JAKMIP1: variants seen among roughly 807,000 people sequenced by gnomAD.
The protein encoded by JAKMIP1 is janus kinase and microtubule-interacting protein 1.
In JAKMIP1, 33 loss-of-function variants were observed where a neutral mutation model predicts 113.0. That is an observed-to-expected ratio of 0.29 (90% CI 0.22 to 0.39). The LOEUF is 0.39. Among genes scored for constraint, JAKMIP1 ranks in the 10% least tolerant of loss-of-function variants. The pLI is 1.00. For missense variants in JAKMIP1, 813 were observed against 1,080.5 expected, an observed-to-expected ratio of 0.75 and a Z score of 3.47; for synonymous variants, 480 against 459.9, an observed-to-expected ratio of 1.04 and a Z score of -0.56.
intron 1 of JAKMIP1, among the ~76,000 whole-genome samples, chr4:6,118,672 T>A (rs1716203096): frequency 6.6e-6 from 1 of 151,990 alleles, no homozygotes; most frequent in Non-Finnish European, 1.5e-5. Flanking sequence ...AAAGCACAGC[T>A]TCGTGGTGAC....
At position 6,117,722 on chromosome 4, in the gene JAKMIP1, G is replaced by A. The variant is rs374730487; in HGVS notation, c.-147-4725C>T. On this transcript the variant is annotated intron_variant, in intron 1 of 20. Transcript: ENST00000409021. ...AATCTTGACCATAAGAGACAGGTAC[G>A]CCCCGGGGGGCCAGTTCAGAGACCT... 8.8e-3 allele frequency among the ~76,000 whole-genome samples: 1,337 copies of A among 151,970 alleles called. 20 individuals carry two copies. Among genetic ancestry groups the A allele is most frequent in the African/African-American group, 0.03 (1,260 of 41,412 alleles).
chr4:6,113,645 G>C (rs1715292781), intron 1 of JAKMIP1, among the ~76,000 whole-genome samples: 2 of 152,224 alleles, frequency 1.3e-5, no homozygotes, highest in Admixed American at 1.3e-4. Flanking sequence ...GTATGAACCT[G>C]ATCAAGGTCC....
Position 6,187,650 on chromosome 4 carries a change from C to T in JAKMIP1, c.-148+12603G>A, listed in dbSNP as rs200291231. Reference sequence around the variant, plus strand: ...GGGCCTCACCAGACACTGAATCTGCCGGTACCTTGATCTTGGACTTCCCAG... The same window carrying T: ...GGGCCTCACCAGACACTGAATCTGCTGGTACCTTGATCTTGGACTTCCCAG... On this transcript the variant is annotated intron_variant, in intron 1 of 20. Coordinates refer to ENST00000409021, the MANE Select transcript of JAKMIP1 (RefSeq NM_001099433.2). This position sits in a 1 kb window ranked among gnomAD's most constrained non-coding sequence, Gnocchi z 4.2. 1.6e-4 allele frequency among the ~76,000 whole-genome samples: 25 copies of T among 152,346 alleles called. No individual in the cohort carries two copies. Among genetic ancestry groups the T allele is most frequent in the East Asian group, 1.2e-3 (6 of 5,182 alleles).
chr4:6,051,032 T>C lies in JAKMIP1; in HGVS notation c.1807-353A>G, dbSNP rs537373236. Among the ~76,000 whole-genome samples the C allele has an allele frequency of 7.2e-5, 11 of 152,260 alleles. No homozygotes were observed. The highest frequency in any genetic ancestry group is 2.4e-4 in the African/African-American group (10 of 41,548). ...TGAATAGACAGCAAAAGCCACCAACTATGGTTTATTACTCTGTGCCAGGCA... is the reference window on the plus strand; with the variant it reads ...TGAATAGACAGCAAAAGCCACCAACCATGGTTTATTACTCTGTGCCAGGCA... On this transcript the variant is annotated intron_variant, in intron 13 of 20. Coordinates refer to ENST00000409021, the MANE Select transcript of JAKMIP1 (RefSeq NM_001099433.2). The surrounding 1 kb of genome is among the most constrained non-coding windows in gnomAD (Gnocchi z 5.0).
chr4:6,054,494 G>C (rs1716077945), intron 12 of JAKMIP1, among the ~76,000 whole-genome samples: 1 of 152,168 alleles, frequency 6.6e-6, no homozygotes, highest in African/African-American at 2.4e-5. Flanking sequence ...CCAAACACTG[G>C]GAAGCAAGAG....
At chr4:6,128,614 G>T (rs1164762387) in intron 1 of JAKMIP1, among the ~76,000 whole-genome samples, 1 of 152,178 alleles carries the variant, frequency 6.6e-6, no homozygotes, top group African/African-American at 2.4e-5. Flanking sequence ...CAGCCCGGAT[G>T]AGCAAACACG....
chr4:6,136,932 G>A lies in JAKMIP1; in HGVS notation c.-147-23935C>T, dbSNP rs1011801653. 1.3e-5 allele frequency among the ~76,000 whole-genome samples: 2 copies of A among 152,152 alleles called. No homozygotes were observed. The highest frequency in any genetic ancestry group is 6.5e-5 in the Admixed American group (1 of 15,288). ...AAGCGCATGGGATTCCACTGACCAT[G>A]CCATTGTACAGATGAGGAAACTGAG... On this transcript the variant is annotated intron_variant, in intron 1 of 20. Coordinates refer to ENST00000409021, the MANE Select transcript of JAKMIP1 (RefSeq NM_001099433.2). This position sits in a 1 kb window ranked among gnomAD's most constrained non-coding sequence, Gnocchi z 5.9.
chr4:6,196,859 CAA>C (rs68110058), intron 1 of JAKMIP1, among the ~76,000 whole-genome samples: 391 of 136,068 alleles, frequency 2.9e-3, no homozygotes, highest in Non-Finnish European at 3.8e-3. Flanking sequence ...GAAACTCTGT[CAA>C]AAAAAAAAAA....
In JAKMIP1 at chr4:6,167,401, C is replaced by T. The variant is rs1271812337; in HGVS notation, c.-148+32852G>A. Reference sequence around the variant, plus strand: ...ACCTCCTCACTCACCACCCTACCCTCAACTTCTCCTCCTCCACCCTGGGAC... The same window carrying T: ...ACCTCCTCACTCACCACCCTACCCTTAACTTCTCCTCCTCCACCCTGGGAC... On this transcript the variant is annotated intron_variant, in intron 1 of 20. Coordinates refer to ENST00000409021, the MANE Select transcript of JAKMIP1 (RefSeq NM_001099433.2). The surrounding 1 kb of genome is among the most constrained non-coding windows in gnomAD (Gnocchi z 5.3). Among the ~76,000 whole-genome samples, 1 of 152,114 alleles carries T rather than the reference C, an allele frequency of 6.6e-6. No individual in the cohort carries two copies. Among genetic ancestry groups the T allele is most frequent in the African/African-American group, 2.4e-5 (1 of 41,426 alleles).
At position 6,074,854 on chromosome 4, in the gene JAKMIP1, A is replaced by G. The variant is rs533751565; in HGVS notation, c.1302+4085T>C. Reference sequence around the variant, plus strand: ...ATACCATTGGATTACAACTGCCTACAGTATTCAGTACAGTAGCATGCGGCA... The same window carrying G: ...ATACCATTGGATTACAACTGCCTACGGTATTCAGTACAGTAGCATGCGGCA... On this transcript the variant is annotated intron_variant, in intron 8 of 20. Coordinates refer to ENST00000409021, the MANE Select transcript of JAKMIP1 (RefSeq NM_001099433.2). Among the ~76,000 whole-genome samples the G allele has an allele frequency of 4.6e-5, 7 of 152,386 alleles. No homozygotes were observed. In the South Asian group the frequency reaches 1.4e-3, roughly 32 times the overall value.
rs1725671406 is a variant in JAKMIP1, at chr4:6,178,617, T to C, written c.-148+21636A>G. ...ATACCGCCAGGTGAAGAAGGACGTG[T>C]TTGCTTCCCCTAATGCCATGATTGT... is the stretch of plus-strand genomic sequence containing the variant. On this transcript the variant is annotated intron_variant, in intron 1 of 20. Transcript: ENST00000409021. The surrounding 1 kb of genome is among the most constrained non-coding windows in gnomAD (Gnocchi z 5.5). Among the ~76,000 whole-genome samples the C allele has an allele frequency of 6.6e-6, 1 of 152,190 alleles. No individual in the cohort carries two copies. The highest frequency in any genetic ancestry group is 2.1e-4 in the South Asian group (1 of 4,826).
At chr4:6,062,001 A>C (rs981244313) in intron 10 of JAKMIP1, among the ~76,000 whole-genome samples, 1 of 152,222 alleles carries the variant, frequency 6.6e-6, no homozygotes, top group African/African-American at 2.4e-5. Flanking sequence ...GAAGCCTGCA[A>C]GCCAGCCAAG....
chr4:6,193,976 CAATGACACTT>C lies in JAKMIP1; in HGVS notation c.-148+6267_-148+6276del, dbSNP rs1173529486. Reference sequence around the variant, plus strand: ...TACTCCGCCATGAAGAAGAAGGAAGCAATGACACTTGATGACACTTGCTATAACATGGGTG... The same window carrying C: ...TACTCCGCCATGAAGAAGAAGGAAGCGATGACACTTGCTATAACATGGGTG... On this transcript the variant is annotated intron_variant, in intron 1 of 20. Transcript: ENST00000409021. The surrounding 1 kb of genome is among the most constrained non-coding windows in gnomAD (Gnocchi z 6.4). 1.3e-5 allele frequency among the ~76,000 whole-genome samples: 2 copies of C among 152,186 alleles called. No individual in the cohort carries two copies. Among genetic ancestry groups the C allele is most frequent in the Admixed American group, 6.5e-5 (1 of 15,280 alleles).
At chr4:6,122,876 T>G (rs1202777463) in intron 1 of JAKMIP1, among the ~76,000 whole-genome samples, 1 of 152,174 alleles carries the variant, frequency 6.6e-6, no homozygotes, top group Non-Finnish European at 1.5e-5. Context: ...TGCCTCAATT[T>G]CTTGATCAGA....
Position 6,192,090 on chromosome 4 carries a change from G to C in JAKMIP1, c.-148+8163C>G, listed in dbSNP as rs1727337623. On this transcript the variant is annotated intron_variant, in intron 1 of 20. Transcript: ENST00000409021. The surrounding 1 kb of genome is among the most constrained non-coding windows in gnomAD (Gnocchi z 5.0). ...TGGGATTACAGGCGTGTGCCACCAT[G>C]CCCAGCTAATTTTTGTATTTTCAGT... 6.6e-6 allele frequency among the ~76,000 whole-genome samples: 1 copy of C among 152,026 alleles called. No homozygotes were observed. Among genetic ancestry groups the C allele is most frequent in the Admixed American group, 6.5e-5 (1 of 15,276 alleles).
In JAKMIP1 at chr4:6,178,713, G is replaced by A. The variant is rs572480255; in HGVS notation, c.-148+21540C>T. 5.5e-4 allele frequency among the ~76,000 whole-genome samples: 84 copies of A among 152,222 alleles called. No individual in the cohort carries two copies. Among genetic ancestry groups the A allele is most frequent in the Middle Eastern group, 3.4e-3 (1 of 294 alleles). On this transcript the variant is annotated intron_variant, in intron 1 of 20. Coordinates refer to ENST00000409021, the MANE Select transcript of JAKMIP1 (RefSeq NM_001099433.2). The surrounding 1 kb of genome is among the most constrained non-coding windows in gnomAD (Gnocchi z 5.5). Reference sequence around the variant, plus strand: ...AAACCTCTTTTCTTTATAAATTCCCGTCACAGGTATGTCTTTATTAGCAAT... The same window carrying A: ...AAACCTCTTTTCTTTATAAATTCCCATCACAGGTATGTCTTTATTAGCAAT...
chr4:6,069,017 TTG>T lies in JAKMIP1; in HGVS notation c.1303-4011_1303-4010del, dbSNP rs1718571776. On this transcript the variant is annotated intron_variant, in intron 8 of 20. Transcript: ENST00000409021. The surrounding 1 kb of genome is among the most constrained non-coding windows in gnomAD (Gnocchi z 4.5). ...ACATGTACTCGATTTCTCAATATAT[TTG>T]TGTCTTTATTAATAAAAAATAGAAA... Among the ~76,000 whole-genome samples, 2 of 152,200 alleles carry T rather than the reference TTG, an allele frequency of 1.3e-5. No individual in the cohort carries two copies. The highest frequency in any genetic ancestry group is 1.9e-4 in the East Asian group (1 of 5,200).
chr4:6,085,790 A>C (rs886875882), intron 3 of JAKMIP1, among the ~76,000 whole-genome samples, 161 bp from the exon 4 acceptor site: 13 of 152,222 alleles, frequency 8.5e-5, no homozygotes, highest in African/African-American at 3.1e-4. Context: ...CACAGCCCGC[A>C]GCCCAGGGCT....
intron 8 of JAKMIP1, among the ~76,000 whole-genome samples, chr4:6,071,119 C>A (rs1718893585): frequency 6.6e-6 from 1 of 152,212 alleles, no homozygotes; most frequent in Non-Finnish European, 1.5e-5. Context: ...ATGCTGTATT[C>A]CTTTGGAAGT....
Sources: gnomAD v4.1 joint callset for allele counts (sites outside exome capture counted in the v4.1 genomes callset) on GRCh38, gnomAD v4.1.1 for gene constraint, Gnocchi (gnomAD v3.1) non-coding constraint, MANE v1.5 for transcripts, NCBI Gene and HGNC (gene_info 2026-07-23, HGNC 2026-07-21) for gene names.